Variants in ABCB11 observed in about 807,000 individuals in gnomAD.
ABCB11 encodes the protein ATP binding cassette subfamily B member 11.
In ABCB11, 95 loss-of-function variants were observed where a neutral mutation model predicts 148.0. That is an observed-to-expected ratio of 0.64 (90% CI 0.54 to 0.76). The LOEUF (loss-of-function observed/expected upper bound fraction) is 0.76. ABCB11 is among the 30% of genes least tolerant of loss of function. The probability of loss-of-function intolerance (pLI) is 0.00; values close to 1 mark genes in which losing one functional copy is unlikely to be tolerated. For synonymous variants in ABCB11, 591 were observed against 555.4 expected (o/e 1.06, Z -0.90); for missense variants, 1,523 against 1,617.8 (o/e 0.94, Z 1.01).
rs1573942118 is a variant in ABCB11 at position 168,986,231 on chromosome 2, A to G, written c.962T>C (p.Val321Ala). The G allele has an allele frequency of 1.9e-6, 3 of 1,613,264 alleles. No homozygotes were observed. The highest frequency in any genetic ancestry group is 2.7e-5 in the African/African-American group (2 of 74,886). The change falls in exon 10 of 28, where the codon GTG becomes GCG. Residue 321 changes from valine to alanine, a missense_variant. Coordinates refer to ENST00000650372, the MANE Select transcript of ABCB11 (RefSeq NM_003742.4). Reference sequence around the variant, plus strand: ...CACGAATCCAGTAAAGAATCCCATCACTATTCCTTTTCTAATTCCCCAACG... The same window carrying G: ...CACGAATCCAGTAAAGAATCCCATCGCTATTCCTTTTCTAATTCCCCAACG... Reference protein sequence around the residue: ...AQRWGIRKGIVMGFFTGFVWC... With the variant: ...AQRWGIRKGIAMGFFTGFVWC...
At chr2:168,978,723 T>C (rs1469100348) in intron 11 of ABCB11, among the ~76,000 whole-genome samples, 1 of 151,762 alleles carries the variant, frequency 6.6e-6, no homozygotes, top group Admixed American at 6.6e-5. Flanking sequence ...TGGTTTTCTG[T>C]TTGTTTGTTT....
chr2:169,007,135 T>C (rs1038470849), intron 5 of ABCB11, among the ~76,000 whole-genome samples: 7 of 152,284 alleles, frequency 4.6e-5, no homozygotes, highest in Admixed American at 4.6e-4. Flanking sequence ...AAACAGTGTG[T>C]TACTGGCATA....
intron 25 of ABCB11, among the ~76,000 whole-genome samples, chr2:168,929,738 C>T (rs552758201): frequency 8.1e-4 from 123 of 152,024 alleles, no homozygotes; most frequent in Admixed American, 1.6e-3. Context: ...GGAAGAGCAA[C>T]GGAAGCAGAT....
chr2:168,916,337 G>A (rs1690941611), downstream of ABCB11, among the ~76,000 whole-genome samples: 1 of 152,172 alleles, frequency 6.6e-6, no homozygotes, highest in South Asian at 2.1e-4. Flanking sequence ...TTACAGGAAG[G>A]AGGAAATTGC....
chr2:168,962,202 A>AT (rs1393888064), intron 18 of ABCB11, among the ~76,000 whole-genome samples: 4 of 151,688 alleles, frequency 2.6e-5, no homozygotes, highest in South Asian at 2.1e-4. Context: ...CTCTCCTATC[A>AT]TTTTTTCTCT....
At position 169,031,287 on chromosome 2, in the gene ABCB11, G is replaced by T. The variant is rs544609086; in HGVS notation, c.-90C>A. ...GGACTCCACTGTGGAGAGTTAAAAG[G>T]TTTCACAACCTTTTCCAACCTCGGT... On this transcript the variant is annotated 5_prime_UTR_variant, in exon 1 of 28. Transcript: ENST00000650372. 3 of 152,272 alleles carry T rather than the reference G, an allele frequency of 2.0e-5. No homozygotes were observed. Among genetic ancestry groups the T allele is most frequent in the South Asian group, 4.1e-4 (2 of 4,830 alleles). The allele number at this position is 152,272 out of a possible 1,614,324, so 9.4% of individuals were successfully genotyped here. A position where few individuals can be genotyped will look rare whatever the true frequency, so the allele number is the denominator to read the frequency against.
chr2:168,955,239 C>T (rs115941163), intron 19 of ABCB11, among the ~76,000 whole-genome samples: 1,934 of 151,688 alleles, frequency 0.013, 10 homozygotes, highest in Non-Finnish European at 0.015. Context: ...ATTATTTACC[C>T]GGCATTTCAA....
intron 8 of ABCB11, among the ~76,000 whole-genome samples, chr2:168,991,971 G>A (rs752573692): frequency 6.6e-6 from 1 of 150,748 alleles, no homozygotes; most frequent in Non-Finnish European, 1.5e-5. Flanking sequence ...CTGGGTATCC[G>A]AGACTATAGG....
chr2:168,950,144 C>T (rs62171005), intron 19 of ABCB11, among the ~76,000 whole-genome samples: 620 of 43,888 alleles, frequency 0.014, 1 homozygote, highest in South Asian at 0.044. Context: ...TATATATACA[C>T]ACACACACAC....
intron 26 of ABCB11, among the ~76,000 whole-genome samples, chr2:168,926,612 T>G (rs1201670423): frequency 6.6e-6 from 1 of 152,202 alleles, no homozygotes; most frequent in Non-Finnish European, 1.5e-5. Context: ...AATACAATAC[T>G]TTCCAAAATT....
At position 168,930,971 on chromosome 2, in the gene ABCB11, T is replaced by G. The variant is rs191651961; in HGVS notation, c.3214-109A>C. 4.0e-6 allele frequency: 4 copies of G among 995,396 alleles called. 1 individual carries two copies. In the Admixed American group the frequency reaches 9.6e-5, roughly 24 times the overall value. 61.7% of individuals were successfully genotyped at this position (995,396 alleles called of 1,614,324 possible). A position where few individuals can be genotyped will look rare whatever the true frequency, so the allele number is the denominator to read the frequency against. ...CCCTGCTTGAGATACCTTCAAACCATGCTGCCAAAGTGCAAAGTATAAAGA... is the reference window on the plus strand; with the variant it reads ...CCCTGCTTGAGATACCTTCAAACCAGGCTGCCAAAGTGCAAAGTATAAAGA... On this transcript the variant is annotated intron_variant, in intron 24 of 27. Coordinates refer to ENST00000650372, the MANE Select transcript of ABCB11 (RefSeq NM_003742.4).
chr2:168,943,882 T>G (rs1174964970), intron 21 of ABCB11, among the ~76,000 whole-genome samples: 1 of 152,038 alleles, frequency 6.6e-6, no homozygotes, highest in African/African-American at 2.4e-5. Flanking sequence ...TTAAAGAATT[T>G]ATTAACATAT....
At chr2:168,996,787 G>A (rs1694729733) in intron 5 of ABCB11, 65 bp from the exon 6 acceptor site, 2 of 830,578 alleles carry the variant, frequency 2.4e-6, no homozygotes, top group East Asian at 3.2e-5. Context: ...GATTACATTT[G>A]TGGATATAGA....
At chr2:169,019,921 C>T (rs1165376144) in intron 1 of ABCB11, among the ~76,000 whole-genome samples, 2 of 152,168 alleles carry the variant, frequency 1.3e-5, no homozygotes, top group Non-Finnish European at 2.9e-5. Context: ...TTTACACTTA[C>T]AGACCTGCAT....
intron 17 of ABCB11, among the ~76,000 whole-genome samples, chr2:168,965,943 A>C (rs1693297122): frequency 6.6e-6 from 1 of 151,802 alleles, no homozygotes. Context: ...AACACCATGC[A>C]GTTTCCTCAA....
intron 11 of ABCB11, 99 bp from the exon 12 acceptor site, chr2:168,976,786 G>A: frequency 1.4e-6 from 1 of 701,946 alleles, no homozygotes; most frequent in Non-Finnish European, 2.5e-6. Flanking sequence ...GCGTATCTCT[G>A]CAATGTTTTA....
At chr2:169,001,247 T>C (rs1694861582) in intron 5 of ABCB11, among the ~76,000 whole-genome samples, 1 of 152,180 alleles carries the variant, frequency 6.6e-6, no homozygotes, top group African/African-American at 2.4e-5. Context: ...AGAAGGAAGG[T>C]CTATTGCATT....
intron 19 of ABCB11, among the ~76,000 whole-genome samples, chr2:168,953,702 A>G (rs1692666283): frequency 6.6e-6 from 1 of 151,546 alleles, no homozygotes; most frequent in African/African-American, 2.4e-5. Flanking sequence ...AAAGGAAAAT[A>G]TGGGCCCCCA....
chr2:169,012,757 A>C (rs1188678672), intron 5 of ABCB11, among the ~76,000 whole-genome samples: 1 of 151,506 alleles, frequency 6.6e-6, no homozygotes, highest in East Asian at 1.9e-4. Flanking sequence ...AAAAAAAAGA[A>C]AAAAGAAAAA....
Sources: allele counts gnomAD v4.1 joint callset (sites outside exome capture counted in the v4.1 genomes callset), GRCh38; gene constraint gnomAD v4.1.1; transcripts MANE v1.5; gene names NCBI Gene and HGNC (gene_info 2026-07-23, HGNC 2026-07-21).